KCNJ6: variants seen among roughly 807,000 people sequenced by gnomAD.
KCNJ6 encodes G protein-activated inward rectifier potassium channel 2.
Under a neutral mutation model 34.2 loss-of-function variants are expected in KCNJ6, and 9 were observed. The ratio of observed to expected loss-of-function variants is 0.26; its 90% CI spans 0.16 to 0.46. The LOEUF (loss-of-function observed/expected upper bound fraction) is 0.46, where lower values mean the gene tolerates loss of function less well. Among genes scored for constraint, KCNJ6 ranks in the 20% least tolerant of loss-of-function variants. KCNJ6 has a pLI of 1.00. For missense variants in KCNJ6, 236 were observed against 531.3 expected (o/e 0.44, Z 5.46); for synonymous variants, 196 against 207.1 (o/e 0.95, Z 0.46).
chr21:37,859,515 AT>A (rs2055583370), intron 1 of KCNJ6, among the ~76,000 whole-genome samples: 2 of 117,956 alleles, frequency 1.7e-5, no homozygotes, highest in African/African-American at 8.1e-5. Context: ...ATATATATAT[AT>A]ATATATATAT....
intron 2 of KCNJ6, among the ~76,000 whole-genome samples, chr21:37,791,179 C>T (rs1264816051): frequency 3.3e-5 from 5 of 152,206 alleles, no homozygotes; most frequent in Non-Finnish European, 7.3e-5. Context: ...TCCTTGAATA[C>T]GTCTCCAGCT....
At chr21:37,673,543 G>T (rs1296272538) in intron 3 of KCNJ6, among the ~76,000 whole-genome samples, 1 of 152,240 alleles carries the variant, frequency 6.6e-6, no homozygotes, top group Non-Finnish European at 1.5e-5. Flanking sequence ...CCCAGTGGCT[G>T]GGCTCACTTG....
intron 3 of KCNJ6, among the ~76,000 whole-genome samples, chr21:37,705,231 G>C (rs1046041210): frequency 6.6e-6 from 1 of 152,112 alleles, no homozygotes; most frequent in Non-Finnish European, 1.5e-5. Context: ...ATTTGTGTAG[G>C]CTCCTCTAGA....
At chr21:37,735,899 G>C (rs2054910419) in intron 2 of KCNJ6, among the ~76,000 whole-genome samples, 1 of 152,226 alleles carries the variant, frequency 6.6e-6, no homozygotes, top group South Asian at 2.1e-4. Context: ...CCTAAGGGAA[G>C]AGAGCCTGGG....
At chr21:37,733,779 T>G (rs2054898419) in intron 2 of KCNJ6, among the ~76,000 whole-genome samples, 1 of 152,242 alleles carries the variant, frequency 6.6e-6, no homozygotes, top group African/African-American at 2.4e-5. Flanking sequence ...AATGTCTCCC[T>G]GTATGGTCAC....
At chr21:37,655,179 T>TTG (rs369378573) in intron 3 of KCNJ6, among the ~76,000 whole-genome samples, 51 of 23,990 alleles carry the variant, frequency 2.1e-3, no homozygotes, top group Admixed American at 3.4e-3. Flanking sequence ...CTCTAGACAT[T>TTG]TGTGTGTGTG....
Position 37,607,947 on chromosome 21 carries a change from A to G in KCNJ6, c.*17212T>C, listed in dbSNP as rs971159269. 6 of 152,202 alleles carry G rather than the reference A, an allele frequency of 3.9e-5. No homozygotes were observed. Among genetic ancestry groups the G allele is most frequent in the African/African-American group, 1.4e-4 (6 of 41,442 alleles). The allele number at this position is 152,202 out of a possible 1,614,324, so 9.4% of individuals were successfully genotyped here. ...ACATGATGGTTTACAACTACATGCTATTGAAATTCCACTAGTGATTTATTC... is the reference window on the plus strand; with the variant it reads ...ACATGATGGTTTACAACTACATGCTGTTGAAATTCCACTAGTGATTTATTC... On this transcript the variant is annotated 3_prime_UTR_variant, in exon 4 of 4. Transcript: ENST00000609713.
chr21:37,659,244 G>C (rs868592410), intron 3 of KCNJ6, among the ~76,000 whole-genome samples: 8 of 152,160 alleles, frequency 5.3e-5, no homozygotes, highest in Admixed American at 2.6e-4. Context: ...CCACAAGAAC[G>C]ATGTGTCACT....
At chr21:37,683,906 A>C (rs766856197) in intron 3 of KCNJ6, among the ~76,000 whole-genome samples, 2 of 152,198 alleles carry the variant, frequency 1.3e-5, no homozygotes, top group Non-Finnish European at 2.9e-5. Context: ...AGTGGGCAGG[A>C]GGCCAGGCAT....
chr21:37,702,062 G>A (rs781403540), intron 3 of KCNJ6, among the ~76,000 whole-genome samples: 7 of 151,766 alleles, frequency 4.6e-5, no homozygotes, highest in African/African-American at 1.7e-4. Context: ...GTGAAACCCC[G>A]TCTCTACTAA....
At chr21:37,751,346 T>C (rs1287372985) in intron 2 of KCNJ6, among the ~76,000 whole-genome samples, 1 of 152,222 alleles carries the variant, frequency 6.6e-6, no homozygotes, top group African/African-American at 2.4e-5. Context: ...ATGGAGAGTG[T>C]TACCTGCTGA....
intron 2 of KCNJ6, among the ~76,000 whole-genome samples, chr21:37,829,533 G>C (rs2055415000): frequency 6.6e-6 from 1 of 152,168 alleles, no homozygotes; most frequent in Non-Finnish European, 1.5e-5. Flanking sequence ...GTGGGGGCCA[G>C]GGGGCAGTGA....
At chr21:37,742,533 C>A (rs561981394) in intron 2 of KCNJ6, among the ~76,000 whole-genome samples, 4 of 152,160 alleles carry the variant, frequency 2.6e-5, no homozygotes. Flanking sequence ...CACCTTGTAT[C>A]CTGCCAGCAG....
chr21:37,645,340 A>G (rs7283828), intron 3 of KCNJ6, among the ~76,000 whole-genome samples: 23,485 of 152,100 alleles, frequency 0.15, 2,968 homozygotes, highest in African/African-American at 0.35. Context: ...ACTCCAGCCT[A>G]GGCAATACAG....
intron 2 of KCNJ6, among the ~76,000 whole-genome samples, chr21:37,747,252 C>T (rs560998289): frequency 2.0e-5 from 3 of 147,028 alleles, no homozygotes; most frequent in African/African-American, 7.3e-5. Flanking sequence ...TTGGAGAGGG[C>T]CAGAAGGGGA....
chr21:37,868,822 G>A (rs1014098669), intron 1 of KCNJ6, among the ~76,000 whole-genome samples: 4 of 152,182 alleles, frequency 2.6e-5, no homozygotes, highest in African/African-American at 4.8e-5. Context: ...GGACAGAGGC[G>A]CTGGCAATCA....
intron 2 of KCNJ6, among the ~76,000 whole-genome samples, chr21:37,817,526 G>A (rs2055352408): frequency 6.6e-6 from 1 of 152,196 alleles, no homozygotes; most frequent in Non-Finnish European, 1.5e-5. Flanking sequence ...GTAGTGTTGA[G>A]ACTGTGAGGA....
Position 37,675,900 on chromosome 21 carries a change from G to A in KCNJ6, c.946+38311C>T, listed in dbSNP as rs974214932. Among the ~76,000 whole-genome samples, 1 of 152,160 alleles carries A rather than the reference G, an allele frequency of 6.6e-6. No individual in the cohort carries two copies. Among genetic ancestry groups the A allele is most frequent in the Non-Finnish European group, 1.5e-5 (1 of 68,022 alleles). ...GGTGGGGGTGGGGGTGGGGTGCGCC[G>A]ACCCTGCTGCGCTTGTCAGCTTCTC... On this transcript the variant is annotated intron_variant, in intron 3 of 3. Transcript: ENST00000609713. The surrounding 1 kb of genome is among the most constrained non-coding windows in gnomAD (Gnocchi z 4.2).
intron 2 of KCNJ6, among the ~76,000 whole-genome samples, chr21:37,718,775 C>T (rs572719654): frequency 1.3e-5 from 2 of 152,144 alleles, no homozygotes; most frequent in Non-Finnish European, 2.9e-5. Context: ...TGTAACAAAC[C>T]TGCACGTTGT....
Sources: gnomAD v4.1 joint callset for allele counts (sites outside exome capture counted in the v4.1 genomes callset) on GRCh38, gnomAD v4.1.1 for gene constraint, Gnocchi (gnomAD v3.1) non-coding constraint, MANE v1.5 for transcripts, NCBI Gene and HGNC (gene_info 2026-07-23, HGNC 2026-07-21) for gene names.